The following MB21D2 variants were observed in gnomAD, a reference collection of about 807,000 sequenced individuals.
MB21D2 encodes the protein nucleotidyltransferase MB21D2.
MB21D2 carries 9 observed loss-of-function variants against 33.3 expected under a neutral mutation model. The observed-to-expected ratio is 0.27, with a 90% confidence interval of 0.16 to 0.47. The LOEUF (loss-of-function observed/expected upper bound fraction) is 0.47. Among genes scored for constraint, MB21D2 ranks in the 20% least tolerant of loss-of-function variants. MB21D2 has a pLI of 0.99. For synonymous variants in MB21D2, 241 were observed against 236.3 expected (o/e 1.02, Z -0.18); for missense variants, 540 against 624.6 (o/e 0.86, Z 1.44).
At chr3:192,848,243 T>C (rs1712714610) in intron 1 of MB21D2, among the ~76,000 whole-genome samples, 1 of 152,214 alleles carries the variant, frequency 6.6e-6, no homozygotes, top group African/African-American at 2.4e-5. Context: ...GCCAGTTAAA[T>C]GCCTACTCTG....
intron 1 of MB21D2, among the ~76,000 whole-genome samples, chr3:192,848,456 TA>T (rs1339792435): frequency 6.6e-6 from 1 of 152,212 alleles, no homozygotes; most frequent in Admixed American, 6.5e-5. Context: ...TCAGTACTTT[TA>T]AACTGTACTA....
rs746145936 is a variant in MB21D2 at position 192,798,696 on chromosome 3, G to A, written c.1166C>T (p.Ser389Phe). The stretch of plus-strand genomic sequence containing the variant: ...GGCGTGAAGCATGACTGTCTCCTCA[G>A]ACAGATGTTCCAGCATGTTGCACTG... Reference protein sequence around the residue: ...IPQCNMLEHLSEETVMLHARK... With the variant: ...IPQCNMLEHLFEETVMLHARK... The change falls in exon 2 of 2, where the codon TCT becomes TTT. Residue 389 changes from serine to phenylalanine, a missense_variant. By Grantham distance (155) the Ser-to-Phe change is radical. Coordinates refer to ENST00000392452, the MANE Select transcript of MB21D2 (RefSeq NM_178496.4). The surrounding 1 kb of genome is among the most constrained non-coding windows in gnomAD (Gnocchi z 4.8). 1.9e-6 allele frequency: 3 copies of A among 1,613,388 alleles called. No individual in the cohort carries two copies. The highest frequency in any genetic ancestry group is 2.2e-5 in the South Asian group (2 of 91,086).
intron 1 of MB21D2, among the ~76,000 whole-genome samples, chr3:192,842,616 A>G (rs1311363643): frequency 6.6e-6 from 1 of 152,280 alleles, no homozygotes; most frequent in Non-Finnish European, 1.5e-5. Context: ...GAACACATGG[A>G]AGTAATACAG....
chr3:192,803,071 A>G (rs991698965), intron 1 of MB21D2, among the ~76,000 whole-genome samples: 2 of 152,248 alleles, frequency 1.3e-5, no homozygotes, highest in African/African-American at 2.4e-5. Context: ...ATTTGTCTAC[A>G]AAAGTGCCAC....
chr3:192,914,117 G>A (rs1310837501), intron 1 of MB21D2, among the ~76,000 whole-genome samples: 1 of 152,100 alleles, frequency 6.6e-6, no homozygotes, highest in Non-Finnish European at 1.5e-5. Flanking sequence ...TCTCAAGTAG[G>A]AGAAGAGGAA....
chr3:192,913,950 TAGG>T (rs1301585592), intron 1 of MB21D2, among the ~76,000 whole-genome samples: 3 of 152,284 alleles, frequency 2.0e-5, no homozygotes, highest in Non-Finnish European at 4.4e-5. Context: ...AAAATTCAAA[TAGG>T]AGATCTTATT....
chr3:192,851,353 A>AGT (rs998236990), intron 1 of MB21D2, among the ~76,000 whole-genome samples: 3 of 152,056 alleles, frequency 2.0e-5, no homozygotes, highest in Non-Finnish European at 1.5e-5. Flanking sequence ...GCTGTTGGGG[A>AGT]GTGGGGAGTA....
At chr3:192,883,314 C>G (rs1713646995) in intron 1 of MB21D2, among the ~76,000 whole-genome samples, 1 of 152,084 alleles carries the variant, frequency 6.6e-6, no homozygotes, top group Non-Finnish European at 1.5e-5. Context: ...GCCATGTACT[C>G]ATTTTATATT....
chr3:192,799,675 A>G lies in MB21D2; in HGVS notation c.212-25T>C. On this transcript the variant is annotated intron_variant, in intron 1 of 1. Transcript: ENST00000392452. The surrounding 1 kb of genome is among the most constrained non-coding windows in gnomAD (Gnocchi z 4.1). ...CCTGGAAATAAAGAAGAAAAAAACA[A>G]CACTATTACAGGAAACACAGACATA... The G allele has an allele frequency of 1.3e-6, 2 of 1,598,224 alleles. No homozygotes were observed. Among genetic ancestry groups the G allele is most frequent in the South Asian group, 2.3e-5 (2 of 88,518 alleles).
Position 192,796,839 on chromosome 3 carries a change from TTTA to T in MB21D2, c.*1544_*1546del, listed in dbSNP as rs1411803210. ...ATTTCAAGGCCAGTATGTTTCTTTTTTTATTATTTTTGTGTTTGACTTAGATGG... is the reference window on the plus strand; with the variant it reads ...ATTTCAAGGCCAGTATGTTTCTTTTTTTATTTTTGTGTTTGACTTAGATGG... On this transcript the variant is annotated 3_prime_UTR_variant, in exon 2 of 2. Transcript: ENST00000392452. The T allele has an allele frequency of 6.6e-6, 1 of 152,406 alleles. No homozygotes were observed. The highest frequency in any genetic ancestry group is 1.9e-4 in the East Asian group (1 of 5,198). The allele number at this position is 152,406 out of a possible 1,614,324, so 9.4% of individuals were successfully genotyped here. A position where few individuals can be genotyped will look rare whatever the true frequency, so the allele number is the denominator to read the frequency against.
At chr3:192,893,181 G>A (rs572728435) in intron 1 of MB21D2, among the ~76,000 whole-genome samples, 3 of 152,124 alleles carry the variant, frequency 2.0e-5, no homozygotes, top group African/African-American at 7.2e-5. Flanking sequence ...GGAGTTTAAT[G>A]AGTCACTCTT....
chr3:192,917,755 G>A lies in MB21D2; in HGVS notation c.86C>T (p.Ser29Leu). The A allele has an allele frequency of 2.5e-6, 4 of 1,614,012 alleles. No homozygotes were observed. The highest frequency in any genetic ancestry group is 3.4e-6 in the Non-Finnish European group (4 of 1,180,018). ...GTTCAATTCCTCCACCCGAGCTCCCGACCTGAAATCCAGCTCCGGGAACGC... is the reference window on the plus strand; with the variant it reads ...GTTCAATTCCTCCACCCGAGCTCCCAACCTGAAATCCAGCTCCGGGAACGC... ...KPAFPELDFR[S>L]GARVEELNKL... is the part of the protein sequence containing the mutation. Residue 29 changes from serine (S) to leucine (L), a missense_variant, in exon 1 of 2, where the codon TCG (serine) becomes TTG (leucine). Ser to Leu is a moderately radical substitution (Grantham distance 145). Transcript: ENST00000392452.
At chr3:192,810,213 G>A (rs1043570918) in intron 1 of MB21D2, among the ~76,000 whole-genome samples, 5 of 152,112 alleles carry the variant, frequency 3.3e-5, no homozygotes, top group African/African-American at 1.2e-4. Context: ...CATGAAGAAA[G>A]AATTCTGTGT....
intron 1 of MB21D2, among the ~76,000 whole-genome samples, chr3:192,903,418 G>C (rs1266865848): frequency 6.6e-6 from 1 of 152,102 alleles, no homozygotes; most frequent in Non-Finnish European, 1.5e-5. Context: ...ATAAGAATCT[G>C]TCCATGATTT....
chr3:192,871,781 A>T (rs986980419), intron 1 of MB21D2, among the ~76,000 whole-genome samples: 3 of 152,036 alleles, frequency 2.0e-5, no homozygotes, highest in Non-Finnish European at 4.4e-5. Flanking sequence ...CTATAGAGGG[A>T]AGTGACATGA....
intron 1 of MB21D2, among the ~76,000 whole-genome samples, chr3:192,809,458 C>T (rs1711739588): frequency 6.6e-6 from 1 of 152,090 alleles, no homozygotes; most frequent in South Asian, 2.1e-4. Flanking sequence ...TTGTTTATGG[C>T]CATGATAGCT....
Position 192,917,611 on chromosome 3 carries a change from C to T in MB21D2, c.211+19G>A, listed in dbSNP as rs770979341. 5.6e-6 allele frequency: 9 copies of T among 1,612,684 alleles called. No homozygotes were observed. The highest frequency in any genetic ancestry group is 7.6e-6 in the Non-Finnish European group (9 of 1,178,988). On this transcript the variant is annotated intron_variant, in intron 1 of 1. Transcript: ENST00000392452. ...CACACACACACACGCACACACACCTCCCCCTTTTTCCTCCTTACCCAGCAT... is the reference window on the plus strand; with the variant it reads ...CACACACACACACGCACACACACCTTCCCCTTTTTCCTCCTTACCCAGCAT...
intron 1 of MB21D2, among the ~76,000 whole-genome samples, chr3:192,818,771 G>T (rs1711981082): frequency 6.6e-6 from 1 of 151,870 alleles, no homozygotes; most frequent in Admixed American, 6.6e-5. Context: ...AGTCATGCTG[G>T]TTTTTTTAAT....
chr3:192,836,938 T>C (rs887453646), intron 1 of MB21D2, among the ~76,000 whole-genome samples: 2 of 152,156 alleles, frequency 1.3e-5, no homozygotes, highest in African/African-American at 4.8e-5. Context: ...CAGACATCTG[T>C]ACTTTTTTCT....
Sources: allele counts gnomAD v4.1 joint callset (sites outside exome capture counted in the v4.1 genomes callset), GRCh38; gene constraint gnomAD v4.1.1; non-coding constraint Gnocchi (gnomAD v3.1); transcripts MANE v1.5; gene names NCBI Gene and HGNC (gene_info 2026-07-23, HGNC 2026-07-21).